The following RHBDF2 variants were observed in gnomAD, a reference collection of about 807,000 sequenced individuals.
RHBDF2 encodes inactive rhomboid protein 2.
In RHBDF2, 38 loss-of-function variants were observed where a neutral mutation model predicts 95.2. That is an observed-to-expected ratio of 0.40 (90% confidence interval 0.31 to 0.52). The LOEUF (loss-of-function observed/expected upper bound fraction) is 0.52. Among genes scored for constraint, RHBDF2 ranks in the 20% least tolerant of loss-of-function variants. RHBDF2 has a pLI of 0.56. For synonymous variants in RHBDF2, 442 were observed against 462.0 expected (o/e 0.96, Z 0.55); for missense variants, 863 against 1,137.7 (o/e 0.76, Z 3.47).
intron 1 of RHBDF2, among the ~76,000 whole-genome samples, chr17:76,494,915 C>T (rs1228757972): frequency 6.6e-6 from 1 of 152,090 alleles, no homozygotes; most frequent in African/African-American, 2.4e-5. Context: ...AGGGGGCACG[C>T]ACAGCAGCCG....
intron 1 of RHBDF2, among the ~76,000 whole-genome samples, chr17:76,495,318 A>G (rs2074405728): frequency 6.6e-6 from 1 of 152,232 alleles, no homozygotes; most frequent in South Asian, 2.1e-4. Context: ...TCCCATGTAC[A>G]CAGACAGGGC....
rs960910615 is a variant in RHBDF2 at position 76,486,117 on chromosome 17, T to C, written c.-22+1595A>G. On this transcript the variant is annotated intron_variant, in intron 2 of 18. Transcript: ENST00000675367. Reference sequence around the variant, plus strand: ...ACACACACACACACACACACACACATATAGTTTTTGAGACAGAGTCTTGCT... The same window carrying C: ...ACACACACACACACACACACACACACATAGTTTTTGAGACAGAGTCTTGCT... Among the ~76,000 whole-genome samples the C allele has an allele frequency of 4.7e-4, 61 of 128,840 alleles. No individual in the cohort carries two copies. In the East Asian group the frequency reaches 0.011, roughly 23 times the overall value. The allele number at this position is 128,840 out of a possible 152,430, so 84.5% of individuals were successfully genotyped here.
rs1198578952 is a variant in RHBDF2 at position 76,477,702 on chromosome 17, A to G, written c.756T>C (p.Asp252=). 1.9e-6 allele frequency: 3 copies of G among 1,613,950 alleles called. No individual in the cohort carries two copies. The highest frequency in any genetic ancestry group is 2.5e-6 in the Non-Finnish European group (3 of 1,180,004). Reference sequence around the variant, plus strand: ...CAAACGTGTCTGCCCCATCGACCACATCCTCCTCCAGGAAGCTCGGGAAGG... The same window carrying G: ...CAAACGTGTCTGCCCCATCGACCACGTCCTCCTCCAGGAAGCTCGGGAAGG... ...SFAFPSFLEE[D]VVDGADTFDS... is the part of the protein sequence containing the mutation. Residue 252 remains aspartate, a synonymous_variant, in exon 7 of 19, where the codon GAT becomes GAC. Coordinates refer to ENST00000675367, the MANE Select transcript of RHBDF2 (RefSeq NM_001005498.4).
intron 1 of RHBDF2, among the ~76,000 whole-genome samples, chr17:76,496,458 T>C (rs1432272579): frequency 6.6e-6 from 1 of 152,122 alleles, no homozygotes; most frequent in Non-Finnish European, 1.5e-5. Context: ...CTGGAACTGG[T>C]GAGGGGCAGG....
chr17:76,473,333 G>T lies in RHBDF2; in HGVS notation c.1734-6C>A, dbSNP rs371635375. ...CCCGGGTGGTGATCTCACAGCTAAG[G>T]GGGTGGTGAGGCAAGAGGGGACATC... On this transcript the variant is annotated splice_region_variant and splice_polypyrimidine_tract_variant and intron_variant, in intron 15 of 18. Transcript: ENST00000675367. 98 of 1,608,692 alleles carry T rather than the reference G, an allele frequency of 6.1e-5. No homozygotes were observed. The African/African-American group carries it at 7.1e-4, about 12-fold the overall frequency.
chr17:76,489,969 G>A (rs1437804265), intron 1 of RHBDF2, among the ~76,000 whole-genome samples: 2 of 152,202 alleles, frequency 1.3e-5, no homozygotes, highest in Non-Finnish European at 2.9e-5. Context: ...CCCTCTCAGG[G>A]AGCCAGAGAG....
chr17:76,500,827 A>C (rs992830462), intron 1 of RHBDF2: 5 of 152,270 alleles, frequency 3.3e-5, no homozygotes, highest in Non-Finnish European at 1.5e-5. Flanking sequence ...CCAATTTCTG[A>C]GCTCCGGTCC....
rs763665745 is a variant in RHBDF2, at chr17:76,475,012, G to C, written c.1227+18C>G. On this transcript the variant is annotated intron_variant, in intron 10 of 18. Coordinates refer to ENST00000675367, the MANE Select transcript of RHBDF2 (RefSeq NM_001005498.4). The stretch of plus-strand genomic sequence containing the variant: ...AGGAGAGGCTGGGACCCCCAGCATG[G>C]AGCCTGACCCGACTCACCAGCTGGG... 22 of 1,558,704 alleles carry C rather than the reference G, an allele frequency of 1.4e-5. No homozygotes were observed. Among genetic ancestry groups the C allele is most frequent in the Non-Finnish European group, 6.1e-6 (7 of 1,147,168 alleles).
chr17:76,495,958 T>A (rs1216317820), intron 1 of RHBDF2, among the ~76,000 whole-genome samples: 1 of 152,156 alleles, frequency 6.6e-6, no homozygotes, highest in Non-Finnish European at 1.5e-5. Context: ...CAAGCAGGCC[T>A]GCAAAGCCAC....
intron 9 of RHBDF2, among the ~76,000 whole-genome samples, chr17:76,475,394 T>C (rs1169193563): frequency 6.6e-6 from 1 of 152,200 alleles, no homozygotes; most frequent in Non-Finnish European, 1.5e-5. Flanking sequence ...TGCAAAGCTT[T>C]GCCTGACCGA....
At chr17:76,491,973 GC>G in intron 1 of RHBDF2, among the ~76,000 whole-genome samples, 1 of 152,154 alleles carries the variant, frequency 6.6e-6, no homozygotes. Flanking sequence ...CTTCCTCCTG[GC>G]CCGCAGTCAC....
In RHBDF2 at chr17:76,475,092, G is replaced by A. The variant is rs367692947; in HGVS notation, c.1165C>T (p.Leu389=). 1.4e-5 allele frequency: 22 copies of A among 1,601,020 alleles called. No individual in the cohort carries two copies. The African/African-American group carries it at 2.8e-4, about 20-fold the overall frequency. ...GCGATGCCATACGTGCAAATCACCAGCAGCGTGATGATGACATGGACGAAG... is the reference window on the plus strand; with the variant it reads ...GCGATGCCATACGTGCAAATCACCAACAGCGTGATGATGACATGGACGAAG... ...LTFVHVIITL[L]VICTYGIAPV... Residue 389 remains leucine (L), a synonymous_variant, in exon 10 of 19, where the codon CTG becomes TTG. Transcript: ENST00000675367.
chr17:76,497,233 T>C (rs1035178820), intron 1 of RHBDF2, among the ~76,000 whole-genome samples: 1 of 151,842 alleles, frequency 6.6e-6, no homozygotes, highest in Non-Finnish European at 1.5e-5. Flanking sequence ...TGAGGCAGCT[T>C]TACCCTGCTC....
At chr17:76,476,033 A>T (rs980655910) in intron 9 of RHBDF2, 1 of 150,800 alleles carries the variant, frequency 6.6e-6, no homozygotes, top group African/African-American at 2.5e-5. Flanking sequence ...AAGCCTCCCG[A>T]GTAGCTGGGA....
chr17:76,499,606 C>G (rs2057327579), intron 1 of RHBDF2, among the ~76,000 whole-genome samples: 1 of 152,152 alleles, frequency 6.6e-6, no homozygotes, highest in East Asian at 1.9e-4. Context: ...ACAAAAGCAG[C>G]CTGGGGACCC....
At chr17:76,492,491 C>T (rs1278021802) in intron 1 of RHBDF2, among the ~76,000 whole-genome samples, 1 of 152,220 alleles carries the variant, frequency 6.6e-6, no homozygotes, top group Non-Finnish European at 1.5e-5. Flanking sequence ...CAAGGCCACC[C>T]CCAGGGAGGT....
chr17:76,480,006 AATGTGTGTGTG>A (rs1404272929), intron 3 of RHBDF2, 152 bp from the exon 4 acceptor site: 123 of 596,386 alleles, frequency 2.1e-4, no homozygotes, highest in East Asian at 3.4e-4. Flanking sequence ...ATATATATAT[AATGTGTGTGTG>A]TGTGTGTGTG....
At chr17:76,497,740 G>A (rs1299334368) in intron 1 of RHBDF2, among the ~76,000 whole-genome samples, 1 of 152,204 alleles carries the variant, frequency 6.6e-6, no homozygotes, top group Admixed American at 6.5e-5. Context: ...GTGCAGCTGG[G>A]GAAACTGAGG....
At position 76,474,306 on chromosome 17, in the gene RHBDF2, G is replaced by C. The variant is rs930373868; in HGVS notation, c.1464+67C>G. The stretch of plus-strand genomic sequence containing the variant: ...GGGAACGTGGTCACTGCCCTTGAAG[G>C]ACAGGGCAAGTGGAGCTAGTCCGGG... On this transcript the variant is annotated intron_variant, in intron 12 of 18. Transcript: ENST00000675367. 5.2e-6 allele frequency: 8 copies of C among 1,543,322 alleles called. No homozygotes were observed. The African/African-American group carries it at 1.1e-4, about 21-fold the overall frequency.
Sources: gnomAD v4.1 joint callset for allele counts (sites outside exome capture counted in the v4.1 genomes callset) on GRCh38, gnomAD v4.1.1 for gene constraint, MANE v1.5 for transcripts, NCBI Gene and HGNC (gene_info 2026-07-23, HGNC 2026-07-21) for gene names.